The following ZNF442 variants were observed in gnomAD, a reference collection of about 807,000 sequenced individuals.
The protein encoded by ZNF442 is zinc finger protein 442.
ZNF442 carries 45 observed loss-of-function variants against 57.0 expected under a neutral mutation model. The ratio of observed to expected loss-of-function variants is 0.79; its 90% CI spans 0.62 to 1.01. The LOEUF is 1.01. Ranked by LOEUF, ZNF442 falls within the 50% of genes least tolerant of loss-of-function variation. ZNF442 has a pLI of 0.00. For synonymous variants in ZNF442, 213 were observed against 241.8 expected (o/e 0.88, Z 1.10); for missense variants, 690 against 756.5 (o/e 0.91, Z 1.03).
intron 2 of ZNF442, 29 bp from the exon 3 acceptor site, chr19:12,363,700 T>G: frequency 7.1e-7 from 1 of 1,406,866 alleles, no homozygotes; most frequent in South Asian, 1.2e-5. Flanking sequence ...AAGGTGATTG[T>G]CCCAAGGGTT....
chr19:12,352,713 T>C (rs529147137), intron 4 of ZNF442, among the ~76,000 whole-genome samples: 2 of 152,372 alleles, frequency 1.3e-5, no homozygotes, highest in African/African-American at 4.8e-5. Context: ...TACATTTTTA[T>C]GAGAATATAG....
Position 12,349,465 on chromosome 19 carries a change from G to A in ZNF442, c.*236C>T, listed in dbSNP as rs891445271. ...ATCTAGGCATGATTTATGGGATGCA[G>A]GAGGATGTGGATAGGTTACATGCAA... On this transcript the variant is annotated 3_prime_UTR_variant, in exon 6 of 6. Coordinates refer to ENST00000242804, the MANE Select transcript of ZNF442 (RefSeq NM_030824.3). 1.1e-5 allele frequency: 4 copies of A among 373,138 alleles called. No individual in the cohort carries two copies. Among genetic ancestry groups the A allele is most frequent in the African/African-American group, 2.1e-5 (1 of 48,150 alleles). 23.1% of individuals were successfully genotyped at this position (373,138 alleles called of 1,614,324 possible).
Position 12,365,550 on chromosome 19 carries a change from G to T in ZNF442, c.-500C>A. ...ACACTCACCATTTCCCGGCTTCCGCGGTGTCCCGTGTTCTCCCCAAGGTTC... is the reference window on the plus strand; with the variant it reads ...ACACTCACCATTTCCCGGCTTCCGCTGTGTCCCGTGTTCTCCCCAAGGTTC... On this transcript the variant is annotated 5_prime_UTR_variant, in exon 1 of 6. Coordinates refer to ENST00000242804, the MANE Select transcript of ZNF442 (RefSeq NM_030824.3). 3.7e-6 allele frequency: 2 copies of T among 537,586 alleles called. No individual in the cohort carries two copies. The highest frequency in any genetic ancestry group is 2.9e-5 in the Admixed American group (1 of 34,582). 33.3% of individuals were successfully genotyped at this position (537,586 alleles called of 1,614,324 possible).
chr19:12,359,167 C>T (rs1969382984), intron 3 of ZNF442, among the ~76,000 whole-genome samples: 1 of 152,110 alleles, frequency 6.6e-6, no homozygotes, highest in African/African-American at 2.4e-5. Flanking sequence ...ACCCTTTTTC[C>T]ATCAGGCAGA....
At position 12,350,421 on chromosome 19, in the gene ZNF442, A is replaced by G. The variant is rs1226925049; in HGVS notation, c.1164T>C (p.His388=). ...ECKQCGKALS[H]HSSFRSHMIM... is the part of the protein sequence containing the mutation. ...TCATATGACTTCGAAAGCTTGAGTG[A>G]TGAGATAACGCTTTCCCACACTGCT... The change falls in exon 6 of 6, where the codon CAT becomes CAC. Residue 388 remains histidine, a synonymous_variant. Coordinates refer to ENST00000242804, the MANE Select transcript of ZNF442 (RefSeq NM_030824.3). The G allele has an allele frequency of 1.2e-6, 2 of 1,613,744 alleles. No individual in the cohort carries two copies. Among genetic ancestry groups the G allele is most frequent in the Non-Finnish European group, 1.7e-6 (2 of 1,179,924 alleles).
Position 12,350,932 on chromosome 19 carries a change from A to T in ZNF442, c.653T>A (p.Phe218Tyr), listed in dbSNP as rs777232289. Residue 218 changes from phenylalanine to tyrosine, a missense_variant, in exon 6 of 6, where the codon TTT becomes TAT. By Grantham distance (22) the Phe-to-Tyr change is conservative. Coordinates refer to ENST00000242804, the MANE Select transcript of ZNF442 (RefSeq NM_030824.3). ...CATACGAAATAAACTAGGCCAAAAAAAGGCTTTCCCACACAACTTACATAT... is the reference window on the plus strand; with the variant it reads ...CATACGAAATAAACTAGGCCAAAAATAGGCTTTCCCACACAACTTACATAT... ...PYICKLCGKA[F>Y]FWPSLFRMHE... 6 of 1,614,104 alleles carry T rather than the reference A, an allele frequency of 3.7e-6. No homozygotes were observed. Among genetic ancestry groups the T allele is most frequent in the Non-Finnish European group, 4.2e-6 (5 of 1,180,040 alleles).
At chr19:12,370,754 C>T (rs1969573943), upstream of ZNF442, among the ~76,000 whole-genome samples, 1 of 152,046 alleles carries the variant, frequency 6.6e-6, no homozygotes, top group Admixed American at 6.6e-5. Context: ...GCAGGTGAAT[C>T]ACGAGGTCAG....
chr19:12,369,130 C>G (rs1253969249), upstream of ZNF442, among the ~76,000 whole-genome samples: 1 of 151,476 alleles, frequency 6.6e-6, no homozygotes, highest in Non-Finnish European at 1.5e-5. Context: ...AAAAGGCAAG[C>G]AGGATTTATT....
At chr19:12,361,741 C>T (rs1969430554) in intron 3 of ZNF442, among the ~76,000 whole-genome samples, 1 of 149,566 alleles carries the variant, frequency 6.7e-6, no homozygotes, top group Admixed American at 6.7e-5. Flanking sequence ...CCCTCTCCCT[C>T]TCCCTCCACG....
In ZNF442 at chr19:12,350,346, G is replaced by A. The variant is rs762674807; in HGVS notation, c.1239C>T (p.Ala413=). ...CTTGAAATACACTGGGATAAATGAAGGCTTTCCCACATACCTTGCATTTGT... is the reference window on the plus strand; with the variant it reads ...CTTGAAATACACTGGGATAAATGAAAGCTTTCCCACATACCTTGCATTTGT... ...GPHKCKVCGK[A]FIYPSVFQGH... is the part of the protein sequence containing the mutation. The change falls in exon 6 of 6, where the codon GCC becomes GCT. Residue 413 remains alanine (A), a synonymous_variant. Transcript: ENST00000242804. 9.3e-6 allele frequency: 15 copies of A among 1,613,778 alleles called. No homozygotes were observed. In the African/African-American group the frequency reaches 1.9e-4, roughly 20 times the overall value.
chr19:12,363,284 C>T (rs569988454), intron 3 of ZNF442, among the ~76,000 whole-genome samples: 4 of 151,308 alleles, frequency 2.6e-5, no homozygotes, highest in Admixed American at 1.3e-4. Context: ...GTTAATAAAA[C>T]GTTGAAGCTG....
At chr19:12,372,915 A>T in the ZNF442 span, among the ~76,000 whole-genome samples, 3 of 152,182 alleles carry the variant, frequency 2.0e-5, no homozygotes, top group African/African-American at 7.2e-5. Context: ...ATGGGACTAT[A>T]GGCACATGCC....
upstream of ZNF442, among the ~76,000 whole-genome samples, chr19:12,366,881 G>T (rs12972308): frequency 1.3e-5 from 2 of 152,098 alleles, no homozygotes; most frequent in African/African-American, 4.8e-5. Context: ...GCAATCCGCC[G>T]GCCTCGGCCT....
At position 12,363,534 on chromosome 19, in the gene ZNF442, G is replaced by C. The variant is rs1292346924; in HGVS notation, c.78+20C>G. On this transcript the variant is annotated intron_variant, in intron 3 of 5. Coordinates refer to ENST00000242804, the MANE Select transcript of ZNF442 (RefSeq NM_030824.3). The stretch of plus-strand genomic sequence containing the variant: ...GGAGGTTCTTGCACAACTGGAATGA[G>C]TGGGTTCTCCAGTGCTTACATATTG... 6.2e-7 allele frequency: 1 copy of C among 1,610,720 alleles called. No homozygotes were observed.
At chr19:12,355,594 C>T (rs188394267) in intron 3 of ZNF442, among the ~76,000 whole-genome samples, 3,246 of 150,318 alleles carry the variant, frequency 0.022, 45 homozygotes, top group Non-Finnish European at 0.037. Flanking sequence ...CTCCTGACCT[C>T]GTGATCTGCC....
chr19:12,366,240 T>C (rs981321589), upstream of ZNF442, among the ~76,000 whole-genome samples: 1 of 152,208 alleles, frequency 6.6e-6, no homozygotes, highest in Non-Finnish European at 1.5e-5. Context: ...AATCTGGAAT[T>C]ATATGGCAGT....
intron 3 of ZNF442, among the ~76,000 whole-genome samples, chr19:12,356,483 C>T (rs1197881291): frequency 6.6e-6 from 1 of 151,834 alleles, no homozygotes. Context: ...CAAAATTAGC[C>T]GGGCATGGTG....
chr19:12,357,482 G>A (rs903326975), intron 3 of ZNF442, among the ~76,000 whole-genome samples: 110 of 150,314 alleles, frequency 7.3e-4, no homozygotes, highest in African/African-American at 2.6e-3. Context: ...CTCCCAAGTA[G>A]CTGGGATTAC....
At chr19:12,364,176 C>T (rs1171775618) in intron 2 of ZNF442, among the ~76,000 whole-genome samples, 1 of 151,954 alleles carries the variant, frequency 6.6e-6, no homozygotes, top group Non-Finnish European at 1.5e-5. Flanking sequence ...GAGGCCGAGG[C>T]GGGCGGATCA....
Sources: gnomAD v4.1 joint callset for allele counts (sites outside exome capture counted in the v4.1 genomes callset) on GRCh38, gnomAD v4.1.1 for gene constraint, MANE v1.5 for transcripts, NCBI Gene and HGNC (gene_info 2026-07-23, HGNC 2026-07-21) for gene names.